The following FBN1 variants were observed in gnomAD, a reference collection of about 807,000 sequenced individuals.
FBN1 encodes fibrillin 1.
In FBN1, 29 loss-of-function variants were observed where a neutral mutation model predicts 365.1. The observed-to-expected ratio is 0.08, with a 90% confidence interval of 0.06 to 0.11. FBN1 has a LOEUF of 0.11. FBN1 is among the 10% of genes least tolerant of loss of function. FBN1 has a pLI of 1.00. For synonymous variants in FBN1, 1,210 were observed against 1,270.5 expected (o/e 0.95, Z 1.01); for missense variants, 2,476 against 3,703.2 (o/e 0.67, Z 8.60).
chr15:48,529,900 T>A (rs1189774657), intron 8 of FBN1, among the ~76,000 whole-genome samples: 1 of 143,634 alleles, frequency 7.0e-6, no homozygotes, highest in African/African-American at 2.6e-5. Context: ...TTCTTATCCA[T>A]GCTGCATCCG....
intron 42 of FBN1, among the ~76,000 whole-genome samples, chr15:48,461,191 C>G (rs1278045439): frequency 6.6e-6 from 1 of 152,096 alleles, no homozygotes; most frequent in Non-Finnish European, 1.5e-5. Flanking sequence ...CATTGGTCAC[C>G]TAAAGAAATT....
chr15:48,446,439 A>C (rs980516713), intron 47 of FBN1, among the ~76,000 whole-genome samples: 1 of 152,196 alleles, frequency 6.6e-6, no homozygotes, highest in African/African-American at 2.4e-5. Context: ...ATGTGTAGGA[A>C]AAAACATGGT....
chr15:48,469,100 TAATATATATTACATATATATATAA>T (rs1566904939), intron 36 of FBN1, among the ~76,000 whole-genome samples: 67 of 101,332 alleles, frequency 6.6e-4, no homozygotes, highest in African/African-American at 2.6e-3. Context: ...ATATAAAATA[TAATATATATTACATATATATATAA>T]AATATAATAT....
intron 35 of FBN1, 66 bp from the exon 36 acceptor site, chr15:48,470,822 A>G (rs573907965): frequency 1.3e-6 from 2 of 1,526,862 alleles, no homozygotes; most frequent in Admixed American, 1.9e-5. Flanking sequence ...CCTGCCAAAT[A>G]TAATTAGGCA....
At chr15:48,616,894 TATA>T (rs1219742226) in intron 2 of FBN1, among the ~76,000 whole-genome samples, 2 of 152,200 alleles carry the variant, frequency 1.3e-5, no homozygotes, top group East Asian at 3.8e-4. Flanking sequence ...TTTTTATTGT[TATA>T]ATGTTTAACA....
intron 8 of FBN1, among the ~76,000 whole-genome samples, chr15:48,530,182 C>T (rs1296047710): frequency 7.2e-6 from 1 of 139,668 alleles, no homozygotes; most frequent in Non-Finnish European, 1.6e-5. Flanking sequence ...CATCCGCCGC[C>T]TCATCACAAC....
In FBN1 at chr15:48,518,775, C is replaced by A. The variant is rs374541024; in HGVS notation, c.1147+1884G>T. 4.6e-5 allele frequency among the ~76,000 whole-genome samples: 7 copies of A among 152,322 alleles called. No individual in the cohort carries two copies. The East Asian group carries it at 1.3e-3, about 29-fold the overall frequency. On this transcript the variant is annotated intron_variant, in intron 10 of 65. Transcript: ENST00000316623. ...TTTAAAGAGTGAAAAGCTGGCCAAT[C>A]TAAAATCCTTCCTGCATCACTCTCT...
At chr15:48,594,617 A>T (rs2044503369) in intron 6 of FBN1, among the ~76,000 whole-genome samples, 1 of 152,200 alleles carries the variant, frequency 6.6e-6, no homozygotes, top group Non-Finnish European at 1.5e-5. Context: ...ATCTTTGAAG[A>T]AATCACTGTG....
At chr15:48,550,043 T>G (rs1033905236) in intron 6 of FBN1, among the ~76,000 whole-genome samples, 1 of 152,214 alleles carries the variant, frequency 6.6e-6, no homozygotes, top group African/African-American at 2.4e-5. Context: ...CAGAACACAG[T>G]GCAGGGCTAG....
chr15:48,523,632 T>C (rs1406591824), intron 9 of FBN1, among the ~76,000 whole-genome samples: 1 of 151,166 alleles, frequency 6.6e-6, no homozygotes, highest in African/African-American at 2.5e-5. Flanking sequence ...TGGAAACCAT[T>C]TGGAGTAAAT....
At position 48,597,451 on chromosome 15, in the gene FBN1, G is replaced by A. The variant is rs904223034; in HGVS notation, c.443-1073C>T. On this transcript the variant is annotated intron_variant, in intron 5 of 65. Transcript: ENST00000316623. ...CTGGGTTCTCCATCAACCTGGCTAT[G>A]GCTTTTTGGAGCTGCACTACAGGCT... is the stretch of plus-strand genomic sequence containing the variant. Among the ~76,000 whole-genome samples the A allele has an allele frequency of 1.4e-4, 21 of 152,294 alleles. 1 individual carries two copies. In the South Asian group the frequency reaches 3.3e-3, roughly 24 times the overall value.
intron 53 of FBN1, 125 bp from the exon 54 acceptor site, chr15:48,434,838 T>A (rs931241136): frequency 3.4e-6 from 4 of 1,178,236 alleles, no homozygotes; most frequent in Non-Finnish European, 4.9e-6. Context: ...CACTTTGACA[T>A]CCAGACTGCA....
At chr15:48,465,888 T>C (rs750748311) in intron 38 of FBN1, 30 bp from the exon 39 acceptor site, 22 of 1,496,738 alleles carry the variant, frequency 1.5e-5, no homozygotes, top group Non-Finnish European at 1.9e-5. Context: ...AATTGAGTTG[T>C]TTTGAATCTA....
At chr15:48,615,876 A>T (rs544383046) in intron 2 of FBN1, among the ~76,000 whole-genome samples, 1 of 152,348 alleles carries the variant, frequency 6.6e-6, no homozygotes, top group Admixed American at 6.5e-5. Context: ...AGATGGTGTT[A>T]CATGAGAAGA....
chr15:48,542,843 T>C (rs79535705), intron 6 of FBN1, among the ~76,000 whole-genome samples: 2,697 of 150,780 alleles, frequency 0.018, 100 homozygotes, highest in African/African-American at 0.063. Context: ...TTTTTTTCCT[T>C]CTTTCTCTTT....
intron 49 of FBN1, among the ~76,000 whole-genome samples, chr15:48,443,792 G>A (rs193148540): frequency 6.6e-6 from 1 of 152,186 alleles, no homozygotes; most frequent in East Asian, 1.9e-4. Flanking sequence ...AAGGCCCTTG[G>A]GAGGCTGAGG....
At chr15:48,555,876 T>C (rs1163036197) in intron 6 of FBN1, among the ~76,000 whole-genome samples, 1 of 152,192 alleles carries the variant, frequency 6.6e-6, no homozygotes, top group East Asian at 1.9e-4. Context: ...ACCCAACTCA[T>C]CTAAATGCAA....
At chr15:48,543,624 GTGA>G (rs2044074936) in intron 6 of FBN1, among the ~76,000 whole-genome samples, 1 of 152,278 alleles carries the variant, frequency 6.6e-6, no homozygotes, top group African/African-American at 2.4e-5. Flanking sequence ...CTCAGAACAT[GTGA>G]TATTTTCTAA....
chr15:48,503,435 T>C (rs2043679865), intron 17 of FBN1, among the ~76,000 whole-genome samples: 1 of 152,242 alleles, frequency 6.6e-6, no homozygotes, highest in Admixed American at 6.5e-5. Flanking sequence ...ATGACAGTTA[T>C]TTACTTTTAC....
Sources: allele counts gnomAD v4.1 joint callset (sites outside exome capture counted in the v4.1 genomes callset), GRCh38; gene constraint gnomAD v4.1.1; transcripts MANE v1.5; gene names NCBI Gene and HGNC (gene_info 2026-07-23, HGNC 2026-07-21).